Variants in SH3RF3 observed in about 807,000 individuals in gnomAD.
SH3RF3 encodes the protein E3 ubiquitin-protein ligase SH3RF3.
Under a neutral mutation model 66.3 loss-of-function variants are expected in SH3RF3, and 29 were observed. The observed-to-expected ratio is 0.44, with a 90% CI of 0.33 to 0.60. SH3RF3 has a LOEUF of 0.60. Among genes scored for constraint, SH3RF3 ranks in the 20% least tolerant of loss-of-function variants. SH3RF3 has a pLI of 0.04. For missense variants in SH3RF3, 1,194 were observed against 1,190.9 expected (o/e 1.00, Z -0.04); for synonymous variants, 583 against 532.0 (o/e 1.10, Z -1.32).
chr2:109,301,512 G>A (rs1681468324), intron 1 of SH3RF3, among the ~76,000 whole-genome samples: 1 of 152,144 alleles, frequency 6.6e-6, no homozygotes, highest in Non-Finnish European at 1.5e-5. Context: ...CAGAGTGACA[G>A]CACAGGGCAT....
chr2:109,257,726 G>A (rs998234805), intron 1 of SH3RF3, among the ~76,000 whole-genome samples: 10 of 152,122 alleles, frequency 6.6e-5, no homozygotes. Context: ...AGAGCTCCCT[G>A]TCTCAGTGTC....
chr2:109,251,357 G>T, intron 1 of SH3RF3: 1 of 586,794 alleles, frequency 1.7e-6, no homozygotes. Context: ...CCGGCCTGCC[G>T]CGGGAGCATG....
chr2:109,249,565 TTCCTTCCTTCCTTCCTTC>T (rs1558981582), intron 1 of SH3RF3, among the ~76,000 whole-genome samples: 14 of 139,172 alleles, frequency 1.0e-4, no homozygotes, highest in East Asian at 4.1e-4. Context: ...CCTTCCTTCC[TTCCTTCCTTCCTTCCTTC>T]CTTTCCTTTC....
chr2:109,424,285 G>T (rs754043312), intron 5 of SH3RF3, among the ~76,000 whole-genome samples: 1 of 152,220 alleles, frequency 6.6e-6, no homozygotes, highest in Admixed American at 6.5e-5. Flanking sequence ...CATGGGTGAT[G>T]CTGCACCCTG....
At chr2:109,213,929 T>C (rs1172436273) in intron 1 of SH3RF3, among the ~76,000 whole-genome samples, 1 of 152,182 alleles carries the variant, frequency 6.6e-6, no homozygotes, top group Non-Finnish European at 1.5e-5. Context: ...TGGAGGAAGC[T>C]GACTCAGTGA....
At chr2:109,415,625 C>T (rs907613507) in intron 4 of SH3RF3, among the ~76,000 whole-genome samples, 4 of 152,322 alleles carry the variant, frequency 2.6e-5, no homozygotes, top group Admixed American at 2.6e-4. Flanking sequence ...TTCTCCCTGC[C>T]TGTCCTCCAG....
At chr2:109,259,817 G>A (rs887329668) in intron 1 of SH3RF3, among the ~76,000 whole-genome samples, 1 of 151,448 alleles carries the variant, frequency 6.6e-6, no homozygotes, top group Non-Finnish European at 1.5e-5. Context: ...GGAGGTCTCT[G>A]TTTGTCTGGC....
intron 9 of SH3RF3, among the ~76,000 whole-genome samples, chr2:109,500,573 A>G (rs1180376630): frequency 6.6e-6 from 1 of 152,136 alleles, no homozygotes; most frequent in African/African-American, 2.4e-5. Context: ...GTTGGGCCTT[A>G]TTGATGTTGA....
chr2:109,391,590 G>A (rs921747379), intron 3 of SH3RF3, among the ~76,000 whole-genome samples: 31 of 152,212 alleles, frequency 2.0e-4, no homozygotes, highest in African/African-American at 2.2e-4. Flanking sequence ...GTGTGGCCAC[G>A]GCTTGTGGCC....
chr2:109,479,877 C>A lies in SH3RF3; in HGVS notation c.2149-10728C>A, dbSNP rs562007979. Among the ~76,000 whole-genome samples the A allele has an allele frequency of 3.3e-5, 5 of 152,230 alleles. 1 individual carries two copies. The highest frequency in any genetic ancestry group is 1.2e-4 in the African/African-American group (5 of 41,532). ...CCCTCAGAGCCTTCATACGGCAGCA[C>A]CTAACCCACCTGCAGCACGAGGATC... On this transcript the variant is annotated intron_variant, in intron 8 of 9. Coordinates refer to ENST00000309415, the MANE Select transcript of SH3RF3 (RefSeq NM_001099289.3).
At chr2:109,264,951 G>A (rs546257244) in intron 1 of SH3RF3, among the ~76,000 whole-genome samples, 1 of 152,286 alleles carries the variant, frequency 6.6e-6, no homozygotes, top group Admixed American at 6.5e-5. Flanking sequence ...GATTTTGTGG[G>A]TGGCAGGGGG....
chr2:109,249,163 T>C (rs999447177), intron 1 of SH3RF3, among the ~76,000 whole-genome samples: 1 of 152,206 alleles, frequency 6.6e-6, no homozygotes, highest in Admixed American at 6.5e-5. Flanking sequence ...ATTACAGGTG[T>C]GGGCCACCAC....
chr2:109,186,758 A>T (rs1166060486), intron 1 of SH3RF3, among the ~76,000 whole-genome samples: 1 of 152,164 alleles, frequency 6.6e-6, no homozygotes, highest in East Asian at 1.9e-4. Context: ...ACTGGGCAGC[A>T]TGTGGGAATG....
At chr2:109,254,786 C>T (rs1680180202) in intron 1 of SH3RF3, among the ~76,000 whole-genome samples, 1 of 152,078 alleles carries the variant, frequency 6.6e-6, no homozygotes, top group Non-Finnish European at 1.5e-5. Context: ...CATGAGCGCT[C>T]CAGTTAAGCC....
rs1474158116 is a variant in SH3RF3 at position 109,491,019 on chromosome 2, CTG to C, written c.2480+86_2480+87del. ...GAGCCACCTTCGGGGAGCAGGGACA[CTG>C]TGGCCTTGCTGGGATTAGGTTTACC... On this transcript the variant is annotated intron_variant, in intron 9 of 9. Coordinates refer to ENST00000309415, the MANE Select transcript of SH3RF3 (RefSeq NM_001099289.3). 3.9e-6 allele frequency: 5 copies of C among 1,296,448 alleles called. No individual in the cohort carries two copies. In the Admixed American group the frequency reaches 1.3e-4, roughly 33 times the overall value. The allele number at this position is 1,296,448 out of a possible 1,614,324, so 80.3% of individuals were successfully genotyped here.
At chr2:109,322,806 T>G (rs1682057548) in intron 1 of SH3RF3, among the ~76,000 whole-genome samples, 1 of 152,264 alleles carries the variant, frequency 6.6e-6, no homozygotes, top group Non-Finnish European at 1.5e-5. Context: ...ATCAGGCTTC[T>G]GGTGCCTGCA....
chr2:109,195,670 G>A (rs4676076), intron 1 of SH3RF3, among the ~76,000 whole-genome samples: 62,004 of 152,022 alleles, frequency 0.41, 15,189 homozygotes, highest in Non-Finnish European at 0.56. Flanking sequence ...AGAGCTCCGC[G>A]TTTGCATCTT....
At chr2:109,230,940 A>G (rs1402488523) in intron 1 of SH3RF3, among the ~76,000 whole-genome samples, 4 of 152,220 alleles carry the variant, frequency 2.6e-5, no homozygotes, top group Non-Finnish European at 4.4e-5. Context: ...GGAAGGCAGG[A>G]TAGGTCAAAC....
intron 1 of SH3RF3, among the ~76,000 whole-genome samples, chr2:109,191,388 T>C (rs1158932781): frequency 6.6e-6 from 1 of 152,222 alleles, no homozygotes; most frequent in African/African-American, 2.4e-5. Context: ...CAGCTTAGTC[T>C]CTTGCATACC....
Sources: allele counts gnomAD v4.1 joint callset (sites outside exome capture counted in the v4.1 genomes callset), GRCh38; gene constraint gnomAD v4.1.1; transcripts MANE v1.5; gene names NCBI Gene and HGNC (gene_info 2026-07-23, HGNC 2026-07-21).